The following DACT2 variants were observed in gnomAD, a reference collection of about 807,000 sequenced individuals.
The protein encoded by DACT2 is dapper homolog 2.
In DACT2, 20 loss-of-function variants were observed where a neutral mutation model predicts 22.2. That is an observed-to-expected ratio of 0.90 (90% CI 0.63 to 1.31). The LOEUF (loss-of-function observed/expected upper bound fraction) is 1.31. Ranked by LOEUF, DACT2 falls within the 50% of genes most tolerant of loss-of-function variation. DACT2 has a pLI of 0.00. For synonymous variants in DACT2, 463 were observed against 479.8 expected (o/e 0.96, Z 0.46); for missense variants, 1,048 against 1,061.4 (o/e 0.99, Z 0.18).
chr6:168,311,266 C>A lies in DACT2; in HGVS notation c.265G>T (p.Asp89Tyr). Reference sequence around the variant, plus strand: ...TCCAGGTGGGTCTTCAGGCCGATGTCCTGTTGTCTCAGCCGGGACTGAGAA... The same window carrying A: ...TCCAGGTGGGTCTTCAGGCCGATGTACTGTTGTCTCAGCCGGGACTGAGAA... ...QEQLSRLRQQ[D>Y]IGLKTHLDQL... is the part of the protein sequence containing the mutation. Residue 89 changes from aspartate to tyrosine, a missense_variant, in exon 2 of 4, where the codon GAC becomes TAC. Physicochemically the swap from Asp to Tyr is radical, Grantham distance 160. Transcript: ENST00000366795. The A allele has an allele frequency of 6.5e-7, 1 of 1,548,666 alleles. No homozygotes were observed.
At chr6:168,311,479 T>G (rs1024242820) in intron 1 of DACT2, among the ~76,000 whole-genome samples, 195 bp from the exon 2 acceptor site, 9 of 151,236 alleles carry the variant, frequency 6.0e-5, no homozygotes, top group African/African-American at 1.7e-4. Flanking sequence ...AAAAGAAAGC[T>G]CTACTGACAC....
At chr6:168,301,459 G>A (rs909217789) in intron 3 of DACT2, among the ~76,000 whole-genome samples, 3 of 152,338 alleles carry the variant, frequency 2.0e-5, no homozygotes, top group South Asian at 2.1e-4. Flanking sequence ...CCAGTGGCCC[G>A]GTCAGGCTCT....
exon 6 of DACT2, chr6:168,293,660 C>A (rs770980510): frequency 3.6e-6 from 2 of 550,788 alleles, no homozygotes; most frequent in East Asian, 3.1e-5. Flanking sequence ...TTCTCTCTTA[C>A]GTCCATTACT....
chr6:168,319,550 C>T lies in DACT2; in HGVS notation c.84G>A (p.Gly28=). Reference sequence around the variant, plus strand: ...CTCGCAGCCCCTGCAGCTCCTGCAGCCCCGCGAACGCCGCGCGCAACCTCG... The same window carrying T: ...CTCGCAGCCCCTGCAGCTCCTGCAGTCCCGCGAACGCCGCGCGCAACCTCG... ...LGARLRAAFA[G]LQELQGLRAT... is the part of the protein sequence containing the mutation. The change falls in exon 1 of 4, where the codon GGG becomes GGA. Residue 28 remains glycine, a synonymous_variant. Transcript: ENST00000366795. 2 of 1,377,570 alleles carry T rather than the reference C, an allele frequency of 1.5e-6. No individual in the cohort carries two copies. Among genetic ancestry groups the T allele is most frequent in the African/African-American group, 1.5e-5 (1 of 66,876 alleles). The allele number at this position is 1,377,570 out of a possible 1,614,324, so 85.3% of individuals were successfully genotyped here. A position where few individuals can be genotyped will look rare whatever the true frequency, so the allele number is the denominator to read the frequency against.
intron 1 of DACT2, among the ~76,000 whole-genome samples, chr6:168,312,568 C>T (rs928275545): frequency 1.3e-5 from 2 of 152,214 alleles, no homozygotes; most frequent in East Asian, 1.9e-4. Context: ...GCTTCCCCCA[C>T]TCTAAAGGGT....
downstream of DACT2, among the ~76,000 whole-genome samples, chr6:168,303,429 T>C (rs868773263): frequency 6.6e-6 from 1 of 152,196 alleles, no homozygotes; most frequent in Non-Finnish European, 1.5e-5. Flanking sequence ...TCTGGCGGAA[T>C]GGCCTAGTTC....
At chr6:168,306,639 A>G (rs796183632), downstream of DACT2, among the ~76,000 whole-genome samples, 2 of 149,856 alleles carry the variant, frequency 1.3e-5, no homozygotes, top group Non-Finnish European at 3.0e-5. Flanking sequence ...TTTAGCAGAG[A>G]CGGGGTTTCA....
chr6:168,304,765 A>T (rs1431160398), downstream of DACT2, among the ~76,000 whole-genome samples: 8 of 152,198 alleles, frequency 5.3e-5, no homozygotes, highest in African/African-American at 1.9e-4. Context: ...CGACTCAGCC[A>T]GGCTATGAGG....
At chr6:168,293,022 T>A (rs964147883) in exon 6 of DACT2, 1 of 152,164 alleles carries the variant, frequency 6.6e-6, no homozygotes, top group African/African-American at 2.4e-5. Flanking sequence ...GGCAGTGTCC[T>A]AAAAAGACAC....
chr6:168,293,765 A>G, exon 6 of DACT2: 1 of 675,532 alleles, frequency 1.5e-6, no homozygotes, highest in Non-Finnish European at 2.7e-6. Context: ...CTGTGGGGAA[A>G]GCAGAGTGAC....
chr6:168,311,141 C>T lies in DACT2; in HGVS notation c.379+11G>A, dbSNP rs1779387414. The T allele has an allele frequency of 9.2e-6, 14 of 1,515,348 alleles. No individual in the cohort carries two copies. The highest frequency in any genetic ancestry group is 1.4e-5 in the African/African-American group (1 of 72,668). 93.9% of individuals were successfully genotyped at this position (1,515,348 alleles called of 1,614,324 possible). A position where few individuals can be genotyped will look rare whatever the true frequency, so the allele number is the denominator to read the frequency against. Reference sequence around the variant, plus strand: ...TGCCCCTGTGTCCGGGAGGTCAGGGCGCCCTGGTACCTGAGCTGGGCCTGC... The same window carrying T: ...TGCCCCTGTGTCCGGGAGGTCAGGGTGCCCTGGTACCTGAGCTGGGCCTGC... On this transcript the variant is annotated intron_variant, in intron 2 of 3. Coordinates refer to ENST00000366795, the MANE Select transcript of DACT2 (RefSeq NM_214462.5).
intron 3 of DACT2, 114 bp from the exon 4 acceptor site, chr6:168,309,212 G>A: frequency 7.1e-7 from 1 of 1,415,870 alleles, no homozygotes; most frequent in Non-Finnish European, 9.3e-7. Context: ...ACTGCTTCGA[G>A]GAACTCCTGG....
rs1779241715 is a variant in DACT2 at position 168,307,522 on chromosome 6, G to A, written c.2235C>T (p.Pro745=). The A allele has an allele frequency of 6.4e-7, 1 of 1,551,590 alleles. No homozygotes were observed. The highest frequency in any genetic ancestry group is 8.7e-7 in the Non-Finnish European group (1 of 1,146,978). Residue 745 remains proline, a synonymous_variant, in exon 4 of 4, where the codon CCC becomes CCT. Transcript: ENST00000366795. The surrounding 1 kb of genome is among the most constrained non-coding windows in gnomAD (Gnocchi z 5.3). ...VSSGPLLSPV[P]KLCRIKASKA... ...TGGAGGCCTTAATACGGCACAGCTT[G>A]GGCACGGGGGACAGGAGTGGCCCCG...
chr6:168,304,173 C>T (rs969415891), downstream of DACT2, among the ~76,000 whole-genome samples: 1 of 152,224 alleles, frequency 6.6e-6, no homozygotes, highest in Non-Finnish European at 1.5e-5. Flanking sequence ...ATCACACCCC[C>T]TCAAATGACA....
intron 2 of DACT2, 145 bp from the exon 3 acceptor site, chr6:168,310,591 G>A (rs1377626889): frequency 2.3e-5 from 26 of 1,132,224 alleles, no homozygotes; most frequent in African/African-American, 3.2e-5. Context: ...TCGTCCACAC[G>A]GCCGGCCTGG....
chr6:168,316,291 CGTGTGCTG>C, intron 1 of DACT2, among the ~76,000 whole-genome samples: 1 of 151,306 alleles, frequency 6.6e-6, no homozygotes, highest in Admixed American at 6.6e-5. Flanking sequence ...CTGTGGCTGT[CGTGTGCTG>C]AGCTGAGGTC....
chr6:168,303,470 T>A (rs2114898348), downstream of DACT2, among the ~76,000 whole-genome samples: 1 of 152,248 alleles, frequency 6.6e-6, no homozygotes, highest in African/African-American at 2.4e-5. Context: ...AAGAATGGCT[T>A]CCTCGGCTTC....
chr6:168,294,836 GACAA>G lies in DACT2; in HGVS notation c.659-136_659-133del, dbSNP rs1237204306. ...TTATAACACTGGCATGCAGTATAAA[GACAA>G]ACAACAGAATTCATGCCCACAATTT... is the stretch of plus-strand genomic sequence containing the variant. On this transcript the variant is annotated intron_variant, in intron 3 of 5. Coordinates refer to the DACT2 transcript ENST00000366796. The G allele has an allele frequency of 1.3e-5, 5 of 389,932 alleles. No homozygotes were observed. In the Admixed American group the frequency reaches 1.3e-4, roughly 10 times the overall value. 24.2% of individuals were successfully genotyped at this position (389,932 alleles called of 1,614,324 possible).
chr6:168,311,564 A>ACACACACT (rs1562498449), intron 1 of DACT2, among the ~76,000 whole-genome samples: 3 of 107,962 alleles, frequency 2.8e-5, no homozygotes, highest in East Asian at 5.1e-4. Flanking sequence ...ACACACTCAC[A>ACACACACT]CACAAACACA....
Sources: allele counts gnomAD v4.1 joint callset (sites outside exome capture counted in the v4.1 genomes callset), GRCh38; gene constraint gnomAD v4.1.1; non-coding constraint Gnocchi (gnomAD v3.1); transcripts MANE v1.5; gene names NCBI Gene and HGNC (gene_info 2026-07-23, HGNC 2026-07-21).